The following CNTNAP3 variants were observed in gnomAD, a reference collection of about 807,000 sequenced individuals.
CNTNAP3 encodes the protein contactin associated protein family member 3, also known as contactin-associated protein-like 3.
In CNTNAP3, 36 loss-of-function variants were observed where a neutral mutation model predicts 92.1. That is an observed-to-expected ratio of 0.39 (90% CI 0.30 to 0.52). The LOEUF is 0.52. CNTNAP3 is among the 20% of genes least tolerant of loss of function. The pLI is 0.76. For missense variants in CNTNAP3, 534 were observed against 1,069.6 expected (o/e 0.50, Z 6.98); for synonymous variants, 232 against 422.3 (o/e 0.55, Z 5.53).
In CNTNAP3 at chr9:39,287,967, T is replaced by C; in HGVS notation, c.85+13A>G. The C allele has an allele frequency of 6.7e-6, 2 of 298,746 alleles. 1 individual carries two copies. Among genetic ancestry groups the C allele is most frequent in the Non-Finnish European group, 1.2e-5 (2 of 169,584 alleles). 18.5% of individuals were successfully genotyped at this position (298,746 alleles called of 1,614,324 possible). The stretch of plus-strand genomic sequence containing the variant: ...CAGCCTAGCGCAAGTTTTAAACCAT[T>C]TGCTGTACTTACGTGGATTTCCTGC... On this transcript the variant is annotated intron_variant, in intron 1 of 23. Coordinates refer to ENST00000297668, the MANE Select transcript of CNTNAP3 (RefSeq NM_033655.5).
At chr9:39,249,238 C>A (rs1382899199) in intron 2 of CNTNAP3, among the ~76,000 whole-genome samples, 1 of 34,012 alleles carries the variant, frequency 2.9e-5, no homozygotes, top group African/African-American at 5.0e-5. Context: ...GAATGAAATT[C>A]TTTTCTTAAT....
In CNTNAP3 at chr9:39,064,839, T is replaced by G. The variant is rs1484462400; in HGVS notation, c.*9051A>C. Among the ~76,000 whole-genome samples, 3 of 152,412 alleles carry G rather than the reference T, an allele frequency of 2.0e-5. No individual in the cohort carries two copies. The highest frequency in any genetic ancestry group is 7.2e-5 in the African/African-American group (3 of 41,594). ...TATTTGTATAAAAAATAAATAAAGG[T>G]GATAATCTCTTGTGATTTCCCCAAA... On this transcript the variant is annotated 3_prime_UTR_variant, in exon 24 of 24. Transcript: ENST00000297668.
rs139959440 is a variant in CNTNAP3, at chr9:39,135,735, G to A, written c.1877-2600C>T. Among the ~76,000 whole-genome samples, 579 of 152,246 alleles carry A rather than the reference G, an allele frequency of 3.8e-3. 3 individuals are homozygous for A. The highest frequency in any genetic ancestry group is 0.013 in the African/African-American group (555 of 41,538). On this transcript the variant is annotated intron_variant, in intron 12 of 23. Transcript: ENST00000297668. ...CTCAGAACACTTAAATCAGCCTACAGTTGGGCAAAATCATCTAACACAATG... is the reference window on the plus strand; with the variant it reads ...CTCAGAACACTTAAATCAGCCTACAATTGGGCAAAATCATCTAACACAATG...
intron 17 of CNTNAP3, among the ~76,000 whole-genome samples, chr9:39,101,623 G>A (rs1826457276): frequency 2.7e-5 from 4 of 146,774 alleles, no homozygotes; most frequent in African/African-American, 2.5e-5. Flanking sequence ...GAACAGCAGC[G>A]AGGAAAACCG....
chr9:39,082,775 G>A, intron 21 of CNTNAP3, among the ~76,000 whole-genome samples: 1 of 152,284 alleles, frequency 6.6e-6, no homozygotes, highest in Non-Finnish European at 1.5e-5. Flanking sequence ...TGGAAACCTG[G>A]CCACAGGTGC....
At chr9:39,129,742 G>A (rs1758263) in intron 13 of CNTNAP3, among the ~76,000 whole-genome samples, 1 of 152,044 alleles carries the variant, frequency 6.6e-6, no homozygotes, top group Admixed American at 6.6e-5. Context: ...ATCCAGCAAA[G>A]GGCTAGTATC....
At chr9:39,144,473 T>C (rs941275989) in intron 10 of CNTNAP3, 127 bp from the exon 11 acceptor site, 6 of 1,407,814 alleles carry the variant, frequency 4.3e-6, no homozygotes, top group Non-Finnish European at 5.6e-6. Context: ...TAACCCCACA[T>C]GACGTGATTA....
intron 12 of CNTNAP3, among the ~76,000 whole-genome samples, chr9:39,136,690 C>G (rs1315019465): frequency 1.3e-5 from 2 of 152,052 alleles, no homozygotes; most frequent in Non-Finnish European, 1.5e-5. Context: ...CACCTTAGTT[C>G]GGGAGTTCAA....
intron 13 of CNTNAP3, among the ~76,000 whole-genome samples, chr9:39,120,641 A>G (rs867440542): frequency 4.3e-4 from 66 of 152,266 alleles, no homozygotes; most frequent in Middle Eastern, 3.4e-3. Flanking sequence ...CTGCACTCCA[A>G]CCTGGGCGAC....
chr9:39,083,504 C>A (rs1825994683), intron 21 of CNTNAP3, among the ~76,000 whole-genome samples: 1 of 151,826 alleles, frequency 6.6e-6, no homozygotes, highest in Non-Finnish European at 1.5e-5. Context: ...ACTAAAACTA[C>A]AAAAATTAGC....
At chr9:39,107,350 CTGAA>C (rs931690855) in intron 15 of CNTNAP3, among the ~76,000 whole-genome samples, 3 of 127,372 alleles carry the variant, frequency 2.4e-5, no homozygotes, top group Non-Finnish European at 4.7e-5. Flanking sequence ...AAAAGCCAGA[CTGAA>C]TGGGAGGGAG....
intron 15 of CNTNAP3, among the ~76,000 whole-genome samples, chr9:39,106,215 GA>G (rs1826602331): frequency 6.6e-6 from 1 of 152,152 alleles, no homozygotes; most frequent in Non-Finnish European, 1.5e-5. Flanking sequence ...ATAAGGAAAG[GA>G]AAAGAGAAAG....
intron 19 of CNTNAP3, among the ~76,000 whole-genome samples, chr9:39,088,023 A>G (rs895726614): frequency 6.6e-6 from 1 of 152,202 alleles, no homozygotes; most frequent in African/African-American, 2.4e-5. Flanking sequence ...TGGCTTTTAT[A>G]TAGTTGTACT....
intron 18 of CNTNAP3, among the ~76,000 whole-genome samples, chr9:39,093,593 T>A (rs1826261135): frequency 6.6e-6 from 1 of 151,454 alleles, no homozygotes; most frequent in Non-Finnish European, 1.5e-5. Context: ...TGTCTATTGA[T>A]ATCTAGTAAA....
intron 13 of CNTNAP3, among the ~76,000 whole-genome samples, chr9:39,130,789 C>T (rs1821269338): frequency 6.6e-6 from 1 of 151,692 alleles, no homozygotes; most frequent in Non-Finnish European, 1.5e-5. Flanking sequence ...AGGCATGAGC[C>T]ACCGTGCCCG....
At chr9:39,118,408 C>G in intron 13 of CNTNAP3, 149 bp from the exon 14 acceptor site, 2 of 1,172,306 alleles carry the variant, frequency 1.7e-6, no homozygotes, top group Non-Finnish European at 2.4e-6. Context: ...TGTATTTTAC[C>G]TCTGAAACGT....
At chr9:39,137,403 G>A (rs1338785454) in intron 12 of CNTNAP3, among the ~76,000 whole-genome samples, 2 of 152,224 alleles carry the variant, frequency 1.3e-5, no homozygotes, top group Admixed American at 6.5e-5. Context: ...GGTCTTGCAT[G>A]CTATCTATTT....
chr9:39,148,692 AT>A (rs1821765728), intron 10 of CNTNAP3, among the ~76,000 whole-genome samples: 2 of 151,910 alleles, frequency 1.3e-5, no homozygotes, highest in Non-Finnish European at 2.9e-5. Flanking sequence ...TGCCTGGCTA[AT>A]TTTTTGCATT....
At chr9:39,084,194 G>GTTTTTTTTTT (rs201621606) in intron 21 of CNTNAP3, among the ~76,000 whole-genome samples, 1 of 116,878 alleles carries the variant, frequency 8.6e-6, no homozygotes, top group African/African-American at 3.2e-5. Flanking sequence ...TGCTCACCAA[G>GTTTTTTTTTT]TTTTTTTTTT....
Sources: allele counts gnomAD v4.1 joint callset (sites outside exome capture counted in the v4.1 genomes callset), GRCh38; gene constraint gnomAD v4.1.1; transcripts MANE v1.5; gene names NCBI Gene and HGNC (gene_info 2026-07-23, HGNC 2026-07-21).